LRRC34: variants seen among roughly 807,000 people sequenced by gnomAD.
LRRC34 encodes the protein leucine rich repeat containing 34.
LRRC34 carries 44 observed loss-of-function variants against 48.5 expected under a neutral mutation model. That is an observed-to-expected ratio of 0.91 (90% CI 0.71 to 1.17). The LOEUF (loss-of-function observed/expected upper bound fraction) is 1.17, where lower values mean the gene tolerates loss of function less well. Among genes scored for constraint, LRRC34 ranks in the 50% most tolerant of loss-of-function variants. The pLI is 0.00. For missense variants in LRRC34, 502 were observed against 563.0 expected (o/e 0.89, Z 1.10); for synonymous variants, 192 against 197.6 (o/e 0.97, Z 0.24).
At position 169,806,947 on chromosome 3, in the gene LRRC34, A is replaced by G. The variant is rs1245083345; in HGVS notation, c.445-16T>C. The G allele has an allele frequency of 6.2e-6, 9 of 1,459,412 alleles. No individual in the cohort carries two copies. Among genetic ancestry groups the G allele is most frequent in the Non-Finnish European group, 8.6e-6 (9 of 1,043,254 alleles). 90.4% of individuals were successfully genotyped at this position (1,459,412 alleles called of 1,614,324 possible). A position where few individuals can be genotyped will look rare whatever the true frequency, so the allele number is the denominator to read the frequency against. Reference sequence around the variant, plus strand: ...TAAGTTGTTTCTATAAGAGAAAAGAAGCTATTACACATTATTATTATTGGA... The same window carrying G: ...TAAGTTGTTTCTATAAGAGAAAAGAGGCTATTACACATTATTATTATTGGA... On this transcript the variant is annotated splice_polypyrimidine_tract_variant and intron_variant, in intron 4 of 10. Transcript: ENST00000446859.
At chr3:169,796,151 T>C in intron 9 of LRRC34, 63 bp downstream of exon 9, 6 of 1,525,124 alleles carry the variant, frequency 3.9e-6, no homozygotes, top group Non-Finnish European at 4.4e-6. Context: ...GTTAAGGGGA[T>C]TGAGGTTAGT....
chr3:169,803,112 A>G (rs1779253033), intron 6 of LRRC34, among the ~76,000 whole-genome samples: 2 of 152,234 alleles, frequency 1.3e-5, no homozygotes, highest in South Asian at 4.1e-4. Context: ...ATTTGAAAGC[A>G]TGTCAGAGAA....
Position 169,795,496 on chromosome 3 carries a change from C to A in LRRC34, c.1180G>T (p.Ala394Ser), listed in dbSNP as rs768744433. The change falls in exon 10 of 11, where the codon GCT becomes TCT. Residue 394 changes from alanine to serine, a missense_variant. By Grantham distance (99) the Ala-to-Ser change is moderately conservative (BLOSUM62 1). Transcript: ENST00000446859. ...AACTTAAAACTTACTATACACGTAG[C>A]CTCATCAAATTTGTTTCCCCAAATG... ...IYIWGNKFDE[A>S]TCIAYSDLIQ... 1 of 1,611,568 alleles carries A rather than the reference C, an allele frequency of 6.2e-7. No homozygotes were observed. Among genetic ancestry groups the A allele is most frequent in the Non-Finnish European group, 8.5e-7 (1 of 1,178,416 alleles).
chr3:169,810,221 G>A (rs1779514013), intron 1 of LRRC34, among the ~76,000 whole-genome samples: 1 of 151,882 alleles, frequency 6.6e-6, no homozygotes, highest in South Asian at 2.1e-4. Context: ...GATTACAGGT[G>A]AGCCACTGAG....
At position 169,812,751 on chromosome 3, in the gene LRRC34, T is replaced by A; in HGVS notation, c.-203A>T. The A allele has an allele frequency of 1.5e-6, 1 of 682,820 alleles. No homozygotes were observed. Among genetic ancestry groups the A allele is most frequent in the East Asian group, 3.4e-5 (1 of 29,012 alleles). The allele number at this position is 682,820 out of a possible 1,614,324, so 42.3% of individuals were successfully genotyped here. A position where few individuals can be genotyped will look rare whatever the true frequency, so the allele number is the denominator to read the frequency against. ...GCCTGAGGGAGGGCGTCCTGGCTCCTTTGCAGGGAGGAGTTCCCGAGGTTT... is the reference window on the plus strand; with the variant it reads ...GCCTGAGGGAGGGCGTCCTGGCTCCATTGCAGGGAGGAGTTCCCGAGGTTT... On this transcript the variant is annotated 5_prime_UTR_variant, in exon 1 of 11. The change creates a new upstream start codon in the 5' untranslated region. Coordinates refer to ENST00000446859, the MANE Select transcript of LRRC34 (RefSeq NM_001172779.2). The surrounding 1 kb of genome is among the most constrained non-coding windows in gnomAD (Gnocchi z 4.3).
rs138437504 is a variant in LRRC34, at chr3:169,793,441, TA to T, written c.*193del. On this transcript the variant is annotated 3_prime_UTR_variant, in exon 11 of 11. Coordinates refer to ENST00000446859, the MANE Select transcript of LRRC34 (RefSeq NM_001172779.2). The stretch of plus-strand genomic sequence containing the variant: ...GGTTAGAATTTTAGTCTCTATATTG[TA>T]AAATTTCTTTTAAAAAATTACCCTA... The T allele has an allele frequency of 1.0e-3, 485 of 475,408 alleles. 1 individual carries two copies. Among genetic ancestry groups the T allele is most frequent in the Middle Eastern group, 7.1e-3 (13 of 1,832 alleles). The allele number at this position is 475,408 out of a possible 1,614,324, so 29.4% of individuals were successfully genotyped here. A position where few individuals can be genotyped will look rare whatever the true frequency, so the allele number is the denominator to read the frequency against.
chr3:169,809,548 C>A (rs1264569223), intron 1 of LRRC34, among the ~76,000 whole-genome samples: 1 of 152,182 alleles, frequency 6.6e-6, no homozygotes, highest in Non-Finnish European at 1.5e-5. Context: ...TCCTTAATGA[C>A]CTTGCTGTTC....
intron 6 of LRRC34, 49 bp from the exon 7 acceptor site, chr3:169,800,803 C>T (rs1256102425): frequency 1.5e-5 from 17 of 1,157,244 alleles, no homozygotes; most frequent in Non-Finnish European, 1.8e-5. Context: ...ATATAATAAT[C>T]TCGCTACATA....
At chr3:169,802,762 C>T (rs529825659) in intron 6 of LRRC34, among the ~76,000 whole-genome samples, 406 of 152,106 alleles carry the variant, frequency 2.7e-3, no homozygotes, top group Non-Finnish European at 4.6e-3. Context: ...CACCTGAGGT[C>T]GGGAGTTTGA....
rs752716985 is a variant in LRRC34, at chr3:169,812,386, G to A, written c.139+24C>T. The A allele has an allele frequency of 2.9e-5, 44 of 1,522,040 alleles. No homozygotes were observed. In the South Asian group the frequency reaches 5.3e-4, roughly 18 times the overall value. 94.3% of individuals were successfully genotyped at this position (1,522,040 alleles called of 1,614,324 possible). On this transcript the variant is annotated intron_variant, in intron 1 of 10. Transcript: ENST00000446859. The surrounding 1 kb of genome is among the most constrained non-coding windows in gnomAD (Gnocchi z 4.3). ...GCGCGTTTTGTCTGGGCCAGGCCGC[G>A]CAGACGTGCTCCCTACTTCTTACCG...
intron 3 of LRRC34, 21 bp from the exon 4 acceptor site, chr3:169,807,511 A>C: frequency 6.2e-7 from 1 of 1,612,356 alleles, no homozygotes; most frequent in South Asian, 1.1e-5. Flanking sequence ...GATGAATAGA[A>C]GTGGATATTC....
intron 7 of LRRC34, among the ~76,000 whole-genome samples, chr3:169,799,044 G>C (rs976308617): frequency 8.5e-5 from 13 of 152,198 alleles, no homozygotes; most frequent in African/African-American, 2.7e-4. Flanking sequence ...TTCACTGCAT[G>C]CCTACTTTGA....
At chr3:169,805,144 A>T (rs1331102247) in intron 5 of LRRC34, among the ~76,000 whole-genome samples, 1 of 152,188 alleles carries the variant, frequency 6.6e-6, no homozygotes. Flanking sequence ...ATTGTACTGG[A>T]GGTTCTAGCC....
At chr3:169,797,801 A>G (rs778886334) in intron 7 of LRRC34, among the ~76,000 whole-genome samples, 3 of 152,210 alleles carry the variant, frequency 2.0e-5, no homozygotes, top group Non-Finnish European at 2.9e-5. Flanking sequence ...TACTAGCTCT[A>G]CCTTTTACTG....
rs764653260 is a variant in LRRC34 at position 169,796,810 on chromosome 3, A to G, written c.843T>C (p.Ser281=). ...LHMCKHDIKN[S]GIQQLCDALY... ...GTGCATCACATAACTGTTGTATACCACTGTTTTTTATATCATGCTTACACA... is the reference window on the plus strand; with the variant it reads ...GTGCATCACATAACTGTTGTATACCGCTGTTTTTTATATCATGCTTACACA... The change falls in exon 8 of 11, where the codon AGT becomes AGC. Residue 281 remains serine, a synonymous_variant. Transcript: ENST00000446859. 3 of 1,611,680 alleles carry G rather than the reference A, an allele frequency of 1.9e-6. No individual in the cohort carries two copies. Among genetic ancestry groups the G allele is most frequent in the South Asian group, 2.2e-5 (2 of 90,652 alleles).
rs146227830 is a variant in LRRC34 at position 169,796,744 on chromosome 3, C to A, written c.908+1G>T. ...TTATTAATGTGTAAATTATCACTTA[C>A]CAGCTGACATCAAGGTAGCGCAGGC... is the stretch of plus-strand genomic sequence containing the variant. On this transcript the variant is annotated splice_donor_variant, in intron 8 of 10. Transcript: ENST00000446859. LOFTEE classifies it high-confidence loss of function. 2 of 1,604,318 alleles carry A rather than the reference C, an allele frequency of 1.2e-6. No individual in the cohort carries two copies. The highest frequency in any genetic ancestry group is 1.7e-6 in the Non-Finnish European group (2 of 1,177,304).
chr3:169,806,041 C>T (rs1318851301), intron 5 of LRRC34, among the ~76,000 whole-genome samples: 3 of 152,040 alleles, frequency 2.0e-5, no homozygotes, highest in Non-Finnish European at 4.4e-5. Flanking sequence ...TACTACAAAG[C>T]TATAGTAATC....
intron 7 of LRRC34, among the ~76,000 whole-genome samples, chr3:169,800,124 C>G (rs1342381468): frequency 6.6e-6 from 1 of 152,140 alleles, no homozygotes; most frequent in Non-Finnish European, 1.5e-5. Context: ...TTCTTATTCT[C>G]TAGCTGTTTA....
chr3:169,806,420 T>C (rs1437069237), intron 5 of LRRC34, among the ~76,000 whole-genome samples: 1 of 152,178 alleles, frequency 6.6e-6, no homozygotes, highest in Non-Finnish European at 1.5e-5. Context: ...ATATGAAATG[T>C]CCACAATAGG....
Sources: gnomAD v4.1 joint callset for allele counts (sites outside exome capture counted in the v4.1 genomes callset) on GRCh38, gnomAD v4.1.1 for gene constraint, Gnocchi (gnomAD v3.1) non-coding constraint, MANE v1.5 for transcripts, NCBI Gene and HGNC (gene_info 2026-07-23, HGNC 2026-07-21) for gene names.